The following SETD2 variants were observed in gnomAD, a reference collection of about 807,000 sequenced individuals.
The protein encoded by SETD2 is SET domain containing 2, histone lysine methyltransferase.
A neutral mutation model predicts 242.1 loss-of-function variants in SETD2; 31 were observed. The observed-to-expected ratio is 0.13, with a 90% CI of 0.10 to 0.17. SETD2 has a LOEUF of 0.17. Ranked by LOEUF, SETD2 falls within the 10% of genes least tolerant of loss-of-function variation. The pLI is 1.00. For synonymous variants in SETD2, 1,006 were observed against 1,066.5 expected, an observed-to-expected ratio of 0.94 and a Z score of 1.11; for missense variants, 2,481 against 3,046.3, an observed-to-expected ratio of 0.81 and a Z score of 4.37.
At chr3:47,079,087 A>C (rs1374412446) in intron 12 of SETD2, among the ~76,000 whole-genome samples, 1 of 152,192 alleles carries the variant, frequency 6.6e-6, no homozygotes, top group Non-Finnish European at 1.5e-5. Context: ...GGAATTTTTC[A>C]CTGAATTTTC....
chr3:47,032,864 A>G (rs757502538), intron 18 of SETD2, among the ~76,000 whole-genome samples: 3 of 152,016 alleles, frequency 2.0e-5, no homozygotes, highest in African/African-American at 4.8e-5. Context: ...ATGAGCCGAG[A>G]TCGCACCACT....
chr3:47,019,704 G>T, intron 19 of SETD2, 56 bp downstream of exon 19: 2 of 1,423,812 alleles, frequency 1.4e-6, no homozygotes, highest in Non-Finnish European at 2.0e-6. Context: ...GACAAGAAAT[G>T]AAAGGGTTCA....
intron 1 of SETD2, among the ~76,000 whole-genome samples, chr3:47,134,679 G>A (rs1264969757): frequency 6.6e-6 from 1 of 151,858 alleles, no homozygotes; most frequent in East Asian, 1.9e-4. Flanking sequence ...GCCCAGACTG[G>A]AGTGCAATGG....
rs749146060 is a variant in SETD2 at position 47,083,811 on chromosome 3, A to G, written c.5969T>C (p.Val1990Ala). The G allele has an allele frequency of 5.3e-5, 86 of 1,613,972 alleles. No individual in the cohort carries two copies. The highest frequency in any genetic ancestry group is 6.9e-5 in the Non-Finnish European group (82 of 1,180,004). ...CTGTTCTTGGCTCCTTTCACTCTCC[A>G]CATCAGACACACCCTCCTCTTCATC... The part of the protein sequence containing the change: ...SQDEEEGVSD[V>A]ESERSQEQPD... The change falls in exon 12 of 21, where the codon GTG becomes GCG. Residue 1990 changes from valine to alanine, a missense_variant. Physicochemically the swap from Val to Ala is moderately conservative, Grantham distance 64. Around this residue, in one of 17 missense-constraint regions of SETD2, gnomAD observed 203 missense variants for 222.4 expected, o/e 0.91. Coordinates refer to ENST00000409792, the MANE Select transcript of SETD2 (RefSeq NM_014159.7).
At chr3:47,163,728 C>A (rs1184492489) in intron 1 of SETD2, 126 bp downstream of exon 1, 1 of 975,528 alleles carries the variant, frequency 1.0e-6, no homozygotes, top group Non-Finnish European at 1.3e-6. Flanking sequence ...CGACACCGAC[C>A]GCGCGAGGCC....
chr3:47,032,177 C>T (rs1391086140), intron 18 of SETD2, among the ~76,000 whole-genome samples: 1 of 152,080 alleles, frequency 6.6e-6, no homozygotes, highest in Admixed American at 6.6e-5. Context: ...TAGAGGTCCC[C>T]ACACCAAACT....
chr3:47,124,401 G>C lies in SETD2; in HGVS notation c.235C>G (p.Leu79Val), dbSNP rs1464543698. Residue 79 changes from leucine (L) to valine (V), a missense_variant, in exon 3 of 21, where the codon CTT becomes GTT. Physicochemically the swap from Leu to Val is conservative, Grantham distance 32. Coordinates refer to ENST00000409792, the MANE Select transcript of SETD2 (RefSeq NM_014159.7). ...GRQKVSFSFSLTKKTLQNRFL... is the reference protein window; with the variant it reads ...GRQKVSFSFSVTKKTLQNRFL... The stretch of plus-strand genomic sequence containing the variant: ...CTATTCTGCAAAGTTTTCTTTGTAA[G>C]GCTGAAGCTGAATGACACCTTCTGT... 1.3e-6 allele frequency: 2 copies of C among 1,551,872 alleles called. No individual in the cohort carries two copies. The highest frequency in any genetic ancestry group is 2.7e-5 in the African/African-American group (2 of 73,018).
At chr3:47,134,387 A>G (rs1000309666) in intron 1 of SETD2, among the ~76,000 whole-genome samples, 3 of 152,220 alleles carry the variant, frequency 2.0e-5, no homozygotes, top group African/African-American at 7.2e-5. Context: ...ATCAGGCAGA[A>G]ATCTTCAAAA....
At chr3:47,019,673 G>A (rs896920138) in intron 19 of SETD2, 87 bp downstream of exon 19, 6 of 1,129,632 alleles carry the variant, frequency 5.3e-6, no homozygotes, top group South Asian at 1.2e-5. Flanking sequence ...TTGGGGCAAA[G>A]GAGATATTCG....
At chr3:47,037,612 G>T in intron 18 of SETD2, 54 bp downstream of exon 18, 1 of 1,313,370 alleles carries the variant, frequency 7.6e-7, no homozygotes, top group Non-Finnish European at 1.1e-6. Context: ...CATGCGGGAT[G>T]GTCTTGGACG....
At chr3:47,102,450 T>C (rs2042249900) in intron 7 of SETD2, among the ~76,000 whole-genome samples, 1 of 152,196 alleles carries the variant, frequency 6.6e-6, no homozygotes, top group Admixed American at 6.5e-5. Flanking sequence ...TGAGAGGAAA[T>C]CAATGATATA....
At chr3:47,155,814 A>AT (rs1344396663) in intron 1 of SETD2, among the ~76,000 whole-genome samples, 3 of 152,176 alleles carry the variant, frequency 2.0e-5, no homozygotes, top group African/African-American at 7.2e-5. Context: ...TCACACACAC[A>AT]TAAAAAAGTG....
chr3:47,056,993 G>C lies in SETD2; in HGVS notation c.6791C>G (p.Pro2264Arg). 6.2e-7 allele frequency: 1 copy of C among 1,614,236 alleles called. No homozygotes were observed. The highest frequency in any genetic ancestry group is 8.5e-7 in the Non-Finnish European group (1 of 1,180,044). Residue 2264 changes from proline (P) to arginine (R), a missense_variant, in exon 15 of 21, where the codon CCA becomes CGA. Transcript: ENST00000409792. ...AACACTATAATTCTGTCCCTGAACT[G>C]GGCCGGGGGCCGGCACTGGCAAGAC... The part of the protein sequence containing the change: ...VAVLPVPAPG[P>R]VQGQNYSVWD...
chr3:47,150,181 C>T (rs1026160123), intron 1 of SETD2, among the ~76,000 whole-genome samples: 1 of 151,860 alleles, frequency 6.6e-6, no homozygotes, highest in Non-Finnish European at 1.5e-5. Flanking sequence ...AGGCACCTGC[C>T]ACCACGCCCG....
chr3:47,037,643 A>T, intron 18 of SETD2, 23 bp downstream of exon 18: 1 of 1,561,974 alleles, frequency 6.4e-7, no homozygotes, highest in Non-Finnish European at 8.8e-7. Flanking sequence ...TGATCAGGAA[A>T]TACATGTGTA....
At chr3:47,028,017 TTTTTG>T (rs943389525) in intron 18 of SETD2, among the ~76,000 whole-genome samples, 1 of 152,068 alleles carries the variant, frequency 6.6e-6, no homozygotes, top group African/African-American at 2.4e-5. Flanking sequence ...GATGCTGGTT[TTTTTG>T]TTTTGTTTTG....
intron 14 of SETD2, among the ~76,000 whole-genome samples, chr3:47,057,845 A>G (rs1248586782): frequency 6.6e-6 from 1 of 152,222 alleles, no homozygotes; most frequent in East Asian, 1.9e-4. Context: ...TAAACCAAGA[A>G]ATAATCCAAT....
rs552631762 is a variant in SETD2 at position 47,162,803 on chromosome 3, C to T, written c.71+1051G>A. On this transcript the variant is annotated intron_variant, in intron 1 of 20. Transcript: ENST00000409792. ...AACACCAGCAAACGGTGTTTAAGAA[C>T]GGCTTTTCAAAACAATGGTCTCGTG... 1.4e-4 allele frequency among the ~76,000 whole-genome samples: 21 copies of T among 152,214 alleles called. 1 individual carries two copies. The South Asian group carries it at 3.7e-3, about 27-fold the overall frequency.
At chr3:47,098,325 C>A in intron 8 of SETD2, 1 of 302,912 alleles carries the variant, frequency 3.3e-6, no homozygotes, top group Non-Finnish European at 6.2e-6. Flanking sequence ...ATAAACAATT[C>A]TTCCATTTTA....
Sources: gnomAD v4.1 joint callset for allele counts (sites outside exome capture counted in the v4.1 genomes callset) on GRCh38, gnomAD v4.1.1 for gene constraint, gnomAD v4.1.1 regional missense constraint, MANE v1.5 for transcripts, NCBI Gene and HGNC (gene_info 2026-07-23, HGNC 2026-07-21) for gene names.